NTM: variants seen among roughly 807,000 people sequenced by gnomAD.
NTM encodes IgLON family member 2.
Under a neutral mutation model 42.1 loss-of-function variants are expected in NTM, and 13 were observed. The observed-to-expected ratio is 0.31, with a 90% CI of 0.20 to 0.49. The LOEUF is 0.49. NTM is among the 20% of genes least tolerant of loss of function. The pLI, the probability that NTM is intolerant of heterozygous loss-of-function variation, is 0.99. For synonymous variants in NTM, 187 were observed against 179.2 expected (o/e 1.04, Z -0.35); for missense variants, 373 against 452.8 (o/e 0.82, Z 1.60).
At chr11:132,076,411 C>A (rs1040865209) in intron 2 of NTM, among the ~76,000 whole-genome samples, 1 of 152,150 alleles carries the variant, frequency 6.6e-6, no homozygotes, top group Non-Finnish European at 1.5e-5. Flanking sequence ...AGAAAGAAAG[C>A]AAAATCAACA....
intron 4 of NTM, among the ~76,000 whole-genome samples, chr11:132,252,736 G>A (rs529873333): frequency 3.9e-5 from 6 of 152,294 alleles, no homozygotes; most frequent in Admixed American, 6.5e-5. Flanking sequence ...CAGAGCAGCC[G>A]TCCATGTGCA....
Position 131,818,040 on chromosome 11 carries a change from T to C in NTM, c.83-93524T>C, listed in dbSNP as rs149440016. Among the ~76,000 whole-genome samples, 80 of 152,248 alleles carry C rather than the reference T, an allele frequency of 5.3e-4. 2 individuals carry two copies. In the East Asian group the frequency reaches 0.014, roughly 27 times the overall value. On this transcript the variant is annotated intron_variant, in intron 1 of 8. Transcript: ENST00000683400. Reference sequence around the variant, plus strand: ...GGCGGGGGAGCAGGGGTGTTGACAGTACACACTTGACACACATCAGCGGCT... The same window carrying C: ...GGCGGGGGAGCAGGGGTGTTGACAGCACACACTTGACACACATCAGCGGCT...
At chr11:132,040,100 T>C (rs1027019018) in intron 2 of NTM, among the ~76,000 whole-genome samples, 4 of 121,210 alleles carry the variant, frequency 3.3e-5, no homozygotes, top group Non-Finnish European at 6.5e-5. Context: ...AGCTAATTTT[T>C]TGTGTTTTTA....
chr11:131,976,737 A>G (rs1161694083), intron 2 of NTM, among the ~76,000 whole-genome samples: 1 of 152,196 alleles, frequency 6.6e-6, no homozygotes, highest in Non-Finnish European at 1.5e-5. Context: ...AGTCTTCTTC[A>G]GGCCTCTGTT....
rs375790580 is a variant in NTM at position 132,290,493 on chromosome 11, T to A, written c.527-17196T>A. Reference sequence around the variant, plus strand: ...TATGCATTGGATACTGAGCGTATTGTTTTAATAGACCCTGTGCATAAAAGC... The same window carrying A: ...TATGCATTGGATACTGAGCGTATTGATTTAATAGACCCTGTGCATAAAAGC... On this transcript the variant is annotated intron_variant, in intron 4 of 8. Transcript: ENST00000683400. 1.4e-4 allele frequency among the ~76,000 whole-genome samples: 21 copies of A among 152,306 alleles called. 1 individual carries two copies. In the East Asian group the frequency reaches 4.1e-3, roughly 29 times the overall value.
intron 2 of NTM, among the ~76,000 whole-genome samples, chr11:131,980,103 T>A (rs1375461365): frequency 6.6e-6 from 1 of 152,156 alleles, no homozygotes; most frequent in Non-Finnish European, 1.5e-5. Flanking sequence ...ATGAGAACTG[T>A]AGGGAAGTGA....
chr11:131,876,349 G>A (rs1347163860), intron 1 of NTM, among the ~76,000 whole-genome samples: 3 of 152,128 alleles, frequency 2.0e-5, no homozygotes, highest in South Asian at 2.1e-4. Context: ...ACAAGCTGCC[G>A]GAGGCCCACT....
intron 1 of NTM, among the ~76,000 whole-genome samples, chr11:131,630,310 AT>A (rs1174492330): frequency 2.0e-5 from 3 of 152,154 alleles, no homozygotes; most frequent in Middle Eastern, 6.3e-3. Context: ...CTTCTCAAAT[AT>A]ATATTGTTTT....
chr11:131,590,572 G>A (rs1484467843), intron 1 of NTM, among the ~76,000 whole-genome samples: 1 of 152,210 alleles, frequency 6.6e-6, no homozygotes, highest in Non-Finnish European at 1.5e-5. Flanking sequence ...CAATTGGATG[G>A]CTTCTTAATG....
intron 1 of NTM, among the ~76,000 whole-genome samples, chr11:131,437,202 A>C (rs1949207175): frequency 6.6e-6 from 1 of 152,148 alleles, no homozygotes. Flanking sequence ...CTTTACTTTC[A>C]ACTATGTGGT....
intron 1 of NTM, among the ~76,000 whole-genome samples, chr11:131,471,516 G>A (rs184907383): frequency 2.6e-5 from 4 of 152,330 alleles, no homozygotes. Context: ...GTGTGTAACG[G>A]AAAGCCCACT....
chr11:132,319,967 C>T (rs1175881610), intron 7 of NTM, among the ~76,000 whole-genome samples: 1 of 152,246 alleles, frequency 6.6e-6, no homozygotes, highest in Non-Finnish European at 1.5e-5. Flanking sequence ...CCAATATCCC[C>T]TGTTCTGCAG....
intron 1 of NTM, among the ~76,000 whole-genome samples, chr11:131,569,223 C>T (rs2057207200): frequency 6.6e-6 from 1 of 151,556 alleles, no homozygotes; most frequent in South Asian, 2.1e-4. Context: ...TGGCTCACTG[C>T]AACCTCTGAC....
intron 1 of NTM, among the ~76,000 whole-genome samples, chr11:131,399,590 A>G (rs1944907078): frequency 6.6e-6 from 1 of 152,166 alleles, no homozygotes; most frequent in East Asian, 1.9e-4. Context: ...GAGTCCTGGA[A>G]GTGTGGTTGC....
intron 2 of NTM, among the ~76,000 whole-genome samples, chr11:132,086,894 G>A (rs10431098): frequency 0.074 from 11,249 of 152,204 alleles, 416 homozygotes; most frequent in Middle Eastern, 0.14. Context: ...ATGCATCTGA[G>A]GGGAGTGTCC....
intron 1 of NTM, among the ~76,000 whole-genome samples, chr11:131,556,451 G>A (rs909277862): frequency 6.6e-6 from 1 of 152,252 alleles, no homozygotes; most frequent in African/African-American, 2.4e-5. Context: ...CAAGTTTAAA[G>A]CCTGGTTCTG....
intron 1 of NTM, among the ~76,000 whole-genome samples, chr11:131,650,228 T>A (rs1282209964): frequency 6.6e-6 from 1 of 152,244 alleles, no homozygotes; most frequent in Non-Finnish European, 1.5e-5. Flanking sequence ...TTCTTGAAGA[T>A]GAAATCTCTG....
intron 1 of NTM, among the ~76,000 whole-genome samples, chr11:131,396,188 C>T (rs919917227): frequency 1.3e-5 from 2 of 152,172 alleles, no homozygotes; most frequent in African/African-American, 4.8e-5. Flanking sequence ...TACTGATGGG[C>T]AATGAGACTG....
intron 1 of NTM, among the ~76,000 whole-genome samples, chr11:131,579,622 G>C (rs1483639383): frequency 6.6e-6 from 1 of 152,212 alleles, no homozygotes; most frequent in Non-Finnish European, 1.5e-5. Context: ...TATTTGCAAG[G>C]CTATCTTCTG....
Sources: allele counts gnomAD v4.1 joint callset (sites outside exome capture counted in the v4.1 genomes callset), GRCh38; gene constraint gnomAD v4.1.1; transcripts MANE v1.5; gene names NCBI Gene and HGNC (gene_info 2026-07-23, HGNC 2026-07-21).